OR9Q1: variants seen among roughly 807,000 people sequenced by gnomAD.
OR9Q1 encodes the protein olfactory receptor family 9 subfamily Q member 1, also known as olfactory receptor 9Q1.
For missense variants in OR9Q1, 374 were observed against 378.8 expected (o/e 0.99, Z 0.11); for synonymous variants, 153 against 148.6 (o/e 1.03, Z -0.22).
intron 2 of OR9Q1, among the ~76,000 whole-genome samples, chr11:58,115,967 C>T (rs551058648): frequency 2.0e-5 from 3 of 152,208 alleles, no homozygotes; most frequent in Admixed American, 6.5e-5. Flanking sequence ...AAAGCTTTGT[C>T]ATATGTGTAT....
In OR9Q1 at chr11:58,024,550, A is replaced by G. The variant is rs538560553; in HGVS notation, c.-93+446A>G. Among the ~76,000 whole-genome samples, 81 of 152,254 alleles carry G rather than the reference A, an allele frequency of 5.3e-4. 1 individual carries two copies. The South Asian group carries it at 0.017, about 31-fold the overall frequency. ...GTTTCAATTTTCGTGCATGGGCCTC[A>G]AACTGTTTTTCCATATTTGTTAGGG... On this transcript the variant is annotated intron_variant, in intron 1 of 2. Coordinates refer to ENST00000335397, the MANE Select transcript of OR9Q1 (RefSeq NM_001005212.4).
intron 2 of OR9Q1, among the ~76,000 whole-genome samples, chr11:58,099,898 T>C (rs1467839504): frequency 6.6e-6 from 1 of 152,220 alleles, no homozygotes; most frequent in Non-Finnish European, 1.5e-5. Context: ...TTAAAATAGC[T>C]GTGCTTAAGT....
chr11:58,029,545 A>G (rs1853009005), intron 1 of OR9Q1, among the ~76,000 whole-genome samples: 1 of 152,216 alleles, frequency 6.6e-6, no homozygotes, highest in Non-Finnish European at 1.5e-5. Context: ...CTGGCACAAA[A>G]ATGGAGATAT....
chr11:58,158,043 G>A (rs1299437086), intron 2 of OR9Q1, among the ~76,000 whole-genome samples: 1 of 152,174 alleles, frequency 6.6e-6, no homozygotes, highest in Non-Finnish European at 1.5e-5. Context: ...TCAATTTCAA[G>A]GATAAGGAAG....
chr11:58,136,560 A>G (rs1854190997), intron 2 of OR9Q1, among the ~76,000 whole-genome samples: 1 of 152,168 alleles, frequency 6.6e-6, no homozygotes, highest in African/African-American at 2.4e-5. Context: ...AATCACTAGG[A>G]AATTGACTGG....
rs562144260 is a variant in OR9Q1, at chr11:58,028,750, A to G, written c.-93+4646A>G. 4.6e-5 allele frequency among the ~76,000 whole-genome samples: 7 copies of G among 152,364 alleles called. No individual in the cohort carries two copies. In the South Asian group the frequency reaches 1.4e-3, roughly 32 times the overall value. On this transcript the variant is annotated intron_variant, in intron 1 of 2. Transcript: ENST00000335397. ...CAATGCAATTATGTGAGAGGAAGCC[A>G]ATGTTTATAGACTTCCCACTGTGGG... is the stretch of plus-strand genomic sequence containing the variant.
At chr11:58,028,092 G>A (rs1190013984) in intron 1 of OR9Q1, among the ~76,000 whole-genome samples, 1 of 150,320 alleles carries the variant, frequency 6.7e-6, no homozygotes, top group Non-Finnish European at 1.5e-5. Flanking sequence ...TCTGCTCTGT[G>A]CCAGGCCCCA....
chr11:58,179,822 G>T lies in OR9Q1; in HGVS notation c.378G>T (p.Val126=). The change falls in exon 3 of 3, where the codon GTG becomes GTT. Residue 126 remains valine (V), a synonymous_variant. Coordinates refer to ENST00000335397, the MANE Select transcript of OR9Q1 (RefSeq NM_001005212.4). The part of the protein sequence containing the change: ...ALMAYDRYLA[V]CQPLLYVTIL... ...TGGCCTATGACCGCTACTTGGCTGT[G>T]TGCCAGCCCCTGCTTTATGTCACCA... 1 of 1,614,188 alleles carries T rather than the reference G, an allele frequency of 6.2e-7. No homozygotes were observed. The highest frequency in any genetic ancestry group is 1.1e-5 in the South Asian group (1 of 91,076).
At position 58,068,877 on chromosome 11, in the gene OR9Q1, C is replaced by T. The variant is rs571368464; in HGVS notation, c.-15+12930C>T. Among the ~76,000 whole-genome samples, 222 of 152,112 alleles carry T rather than the reference C, an allele frequency of 1.5e-3. 1 individual carries two copies. The highest frequency in any genetic ancestry group is 2.5e-3 in the Non-Finnish European group (173 of 67,982). ...TTGGCCTGAAGGGAGCACCAGGGAG[C>T]GGGAAAAGTGCAGCGCTGGAGATTC... On this transcript the variant is annotated intron_variant, in intron 2 of 2. Coordinates refer to ENST00000335397, the MANE Select transcript of OR9Q1 (RefSeq NM_001005212.4).
intron 2 of OR9Q1, among the ~76,000 whole-genome samples, chr11:58,172,813 TACAA>T (rs530567650): frequency 3.2e-4 from 49 of 152,342 alleles, no homozygotes; most frequent in African/African-American, 9.4e-4. Flanking sequence ...TTCTTTGTGT[TACAA>T]ACAATCAAAG....
chr11:58,025,333 T>C (rs548873029), intron 1 of OR9Q1, among the ~76,000 whole-genome samples: 51 of 152,104 alleles, frequency 3.4e-4, no homozygotes, highest in Non-Finnish European at 6.5e-4. Context: ...TACTATAGGG[T>C]GTGTCCTACA....
At chr11:58,063,241 A>G (rs1188295804) in intron 2 of OR9Q1, among the ~76,000 whole-genome samples, 1 of 152,170 alleles carries the variant, frequency 6.6e-6, no homozygotes, top group African/African-American at 2.4e-5. Flanking sequence ...GTGACTTTGG[A>G]CAAGTAACAT....
chr11:58,098,073 CAATA>C (rs1853748471), intron 2 of OR9Q1, among the ~76,000 whole-genome samples: 2 of 152,150 alleles, frequency 1.3e-5, no homozygotes, highest in Admixed American at 1.3e-4. Flanking sequence ...AATTAAATCT[CAATA>C]AAGCTAACTA....
chr11:58,114,306 A>G (rs182327702), intron 2 of OR9Q1, among the ~76,000 whole-genome samples: 1 of 152,306 alleles, frequency 6.6e-6, no homozygotes, highest in Non-Finnish European at 1.5e-5. Context: ...CATTTTGTCT[A>G]CATCACCTAA....
At chr11:58,075,018 A>G (rs973827708) in intron 2 of OR9Q1, among the ~76,000 whole-genome samples, 4 of 152,240 alleles carry the variant, frequency 2.6e-5, no homozygotes, top group African/African-American at 7.2e-5. Context: ...GCCTTGTAGT[A>G]TAGTTTGAAG....
intron 1 of OR9Q1, among the ~76,000 whole-genome samples, chr11:58,042,002 A>G (rs1188453808): frequency 6.6e-6 from 1 of 152,244 alleles, no homozygotes; most frequent in African/African-American, 2.4e-5. Flanking sequence ...GTTGTAATTC[A>G]TAGCCACAGC....
chr11:58,094,994 A>G (rs1019090246), intron 2 of OR9Q1, among the ~76,000 whole-genome samples: 4 of 152,238 alleles, frequency 2.6e-5, no homozygotes, highest in Non-Finnish European at 5.9e-5. Flanking sequence ...ATGTTCGTCA[A>G]TTTTGTTGAG....
intron 2 of OR9Q1, among the ~76,000 whole-genome samples, chr11:58,123,704 TATTCTTTCCATCTTATCA>T (rs2120146304): frequency 1.3e-5 from 2 of 152,324 alleles, no homozygotes; most frequent in East Asian, 3.9e-4. Flanking sequence ...CCAAATTCTG[TATTCTTTCCATCTTATCA>T]TGTTCTCTTT....
intron 1 of OR9Q1, among the ~76,000 whole-genome samples, chr11:58,048,675 A>ATAT (rs1554965234): frequency 1.6e-3 from 71 of 43,156 alleles, no homozygotes; most frequent in South Asian, 4.3e-3. Context: ...ATCTTAAAAA[A>ATAT]AAAAATATAT....
Sources: allele counts gnomAD v4.1 joint callset (sites outside exome capture counted in the v4.1 genomes callset), GRCh38; gene constraint gnomAD v4.1.1; transcripts MANE v1.5; gene names NCBI Gene and HGNC (gene_info 2026-07-23, HGNC 2026-07-21).